SH3TC2: variants seen among roughly 807,000 people sequenced by gnomAD.
SH3TC2 encodes SH3 domain and tetratricopeptide repeat-containing protein 2.
SH3TC2 carries 87 observed loss-of-function variants against 124.5 expected under a neutral mutation model. The ratio of observed to expected loss-of-function variants is 0.70; its 90% CI spans 0.59 to 0.84. SH3TC2 has a LOEUF of 0.84. Ranked by LOEUF, SH3TC2 falls within the 40% of genes least tolerant of loss-of-function variation. The probability of loss-of-function intolerance (pLI) is 0.00; values close to 1 mark genes in which losing one functional copy is unlikely to be tolerated. For synonymous variants in SH3TC2, 634 were observed against 628.5 expected (o/e 1.01, Z -0.13); for missense variants, 1,536 against 1,566.4 (o/e 0.98, Z 0.33).
intron 4 of SH3TC2, 143 bp from the exon 5 acceptor site, chr5:149,042,980 T>A (rs1329895397): frequency 2.1e-6 from 2 of 932,176 alleles, no homozygotes; most frequent in Non-Finnish European, 3.4e-6. Context: ...TAAAACAACA[T>A]AAGAGGCAAA....
chr5:149,026,734 T>C lies in SH3TC2; in HGVS notation c.2891A>G (p.Lys964Arg). The C allele has an allele frequency of 6.2e-7, 1 of 1,614,190 alleles. No homozygotes were observed. Among genetic ancestry groups the C allele is most frequent in the South Asian group, 1.1e-5 (1 of 91,084 alleles). The change falls in exon 12 of 17, where the codon AAA (lysine) becomes AGA (arginine). Residue 964 changes from lysine to arginine, a missense_variant. Transcript: ENST00000515425. ...RHLKSQLQAT[K>R]SLCHFYSSVS... is the part of the protein sequence containing the mutation. ...AGAGCTGTAGAAATGGCAGAGGGAT[T>C]TGGTGGCCTGAAGCTGACCTGAACA... is the stretch of plus-strand genomic sequence containing the variant.
rs1549907 is a variant in SH3TC2 at position 149,013,002 on chromosome 5, T to C, written c.3054-268A>G. Among the ~76,000 whole-genome samples the C allele has an allele frequency of 0.17, 25,703 of 152,112 alleles. 2,514 individuals are homozygous for C. Among genetic ancestry groups the C allele is most frequent in the East Asian group, 0.24 (1,260 of 5,168 alleles). ...GATTGTTGTGAGGATGAAATTGAGA[T>C]ACAACTAAGTGCTTAGAACAGTGCC... On this transcript the variant is annotated intron_variant, in intron 12 of 16. Coordinates refer to ENST00000515425, the MANE Select transcript of SH3TC2 (RefSeq NM_024577.4).
chr5:149,041,700 T>G, intron 5 of SH3TC2, 83 bp from the exon 6 acceptor site: 22 of 1,462,718 alleles, frequency 1.5e-5, no homozygotes, highest in Non-Finnish European at 2.1e-5. Context: ...ATGCTTCTAT[T>G]CAGAGCTGGA....
Position 149,032,864 on chromosome 5 carries a change from C to T in SH3TC2, c.1002-1177G>A, listed in dbSNP as rs182316266. On this transcript the variant is annotated intron_variant, in intron 8 of 16. Transcript: ENST00000515425. ...ATTAATAGTACCACACTGACTGGGC[C>T]CCCATCTCCCTGGGCTGATCGCCAG... Among the ~76,000 whole-genome samples the T allele has an allele frequency of 2.6e-3, 398 of 152,184 alleles. 4 individuals are homozygous for T. The highest frequency in any genetic ancestry group is 0.015 in the East Asian group (76 of 5,178).
In SH3TC2 at chr5:148,988,959, T is replaced by A. The variant is rs1440180909; in HGVS notation, c.*15752A>T. Among the ~76,000 whole-genome samples, 1 of 152,196 alleles carries A rather than the reference T, an allele frequency of 6.6e-6. No homozygotes were observed. The highest frequency in any genetic ancestry group is 1.5e-5 in the Non-Finnish European group (1 of 68,034). ...TCTCTCTCACTCAAAATGTTTCCCT[T>A]ATCTGGTCTAGTTGTGCCCTACTGA... is the stretch of plus-strand genomic sequence containing the variant. On this transcript the variant is annotated 3_prime_UTR_variant, in exon 17 of 17. Transcript: ENST00000515425.
rs866268621 is a variant in SH3TC2, at chr5:149,026,998, T to C, written c.2734A>G (p.Ser912Gly). Reference protein sequence around the residue: ...AVRLYCELQASKETDMELVQV... With the variant: ...AVRLYCELQAGKETDMELVQV... ...ACTAATTCCATGTCTGTCTCCTTAC[T>C]GGCCTGAAGTTCACAATAGAGTCGT... is the stretch of plus-strand genomic sequence containing the variant. The change falls in exon 11 of 17, where the codon AGT becomes GGT. Residue 912 changes from serine (S) to glycine (G), a missense_variant. By Grantham distance (56) the Ser-to-Gly change is moderately conservative. Transcript: ENST00000515425. The C allele has an allele frequency of 2.5e-6, 4 of 1,614,056 alleles. No homozygotes were observed. The African/African-American group carries it at 5.3e-5, about 22-fold the overall frequency.
Position 149,006,919 on chromosome 5 carries a change from A to G in SH3TC2, c.3637T>C (p.Tyr1213His), listed in dbSNP as rs1753699443. Residue 1213 changes from tyrosine to histidine, a missense_variant, in exon 16 of 17, where the codon TAT becomes CAT. Transcript: ENST00000515425. ...PKEALYYAKV[Y>H]YRLGRLTFCQ... ...AAGGTGAGTCTGCCCAGGCGATAAT[A>G]CACCTTGGCATAGTACAGGGCCTCC... is the stretch of plus-strand genomic sequence containing the variant. The G allele has an allele frequency of 5.6e-6, 9 of 1,614,066 alleles. No individual in the cohort carries two copies. The highest frequency in any genetic ancestry group is 6.8e-6 in the Non-Finnish European group (8 of 1,180,008).
At chr5:149,014,907 T>A (rs1196555480) in intron 12 of SH3TC2, among the ~76,000 whole-genome samples, 6 of 152,188 alleles carry the variant, frequency 3.9e-5, no homozygotes, top group Non-Finnish European at 7.3e-5. Flanking sequence ...GACCCATAAA[T>A]CTCATCCTCA....
Position 149,028,189 on chromosome 5 carries a change from T to C in SH3TC2, c.1543A>G (p.Arg515Gly). 6.2e-7 allele frequency: 1 copy of C among 1,614,096 alleles called. No homozygotes were observed. Among genetic ancestry groups the C allele is most frequent in the South Asian group, 1.1e-5 (1 of 91,084 alleles). ...ATGTGGCTCTTCTTGGCCCACTTTCTTGATGCCTCCAGGTAGGCCACAAAC... is the reference window on the plus strand; with the variant it reads ...ATGTGGCTCTTCTTGGCCCACTTTCCTGATGCCTCCAGGTAGGCCACAAAC... ...DEFVAYLEAS[R>G]KWAKKSHMTW... Residue 515 changes from arginine to glycine, a missense_variant, in exon 11 of 17, where the codon AGA becomes GGA. This residue lies in a region of SH3TC2 where 1,102 missense variants were observed against 1,098.6 expected (regional missense o/e 1.00). Coordinates refer to ENST00000515425, the MANE Select transcript of SH3TC2 (RefSeq NM_024577.4).
rs72835354 is a variant in SH3TC2, at chr5:148,998,834, G to A, written c.*5877C>T. 3.3e-5 allele frequency among the ~76,000 whole-genome samples: 5 copies of A among 152,262 alleles called. No individual in the cohort carries two copies. Among genetic ancestry groups the A allele is most frequent in the Non-Finnish European group, 5.9e-5 (4 of 68,026 alleles). ...TCCATCCTCAAGTCCCCTGAGTTCT[G>A]GAATAATCAGACAGAGTTGGGAGAG... is the stretch of plus-strand genomic sequence containing the variant. On this transcript the variant is annotated 3_prime_UTR_variant, in exon 17 of 17. Coordinates refer to ENST00000515425, the MANE Select transcript of SH3TC2 (RefSeq NM_024577.4).
chr5:149,047,918 G>T lies in SH3TC2; in HGVS notation c.223C>A (p.Arg75=). Residue 75 remains arginine, a synonymous_variant, in exon 3 of 17, where the codon CGG becomes AGG. Coordinates refer to ENST00000515425, the MANE Select transcript of SH3TC2 (RefSeq NM_024577.4). The part of the protein sequence containing the change: ...CVNGPLQEAA[R]RRLWALENED... ...TTCTCCAGTGCCCAGAGCCGCCTCC[G>T]AGCAGCTTCCTGTAGGGGTCCATTT... 6.2e-7 allele frequency: 1 copy of T among 1,614,096 alleles called. No individual in the cohort carries two copies. The highest frequency in any genetic ancestry group is 1.1e-5 in the South Asian group (1 of 91,056).
Position 148,983,008 on chromosome 5 carries a change from C to T in SH3TC2, c.*21703G>A, listed in dbSNP as rs761390238. Among the ~76,000 whole-genome samples the T allele has an allele frequency of 3.0e-4, 46 of 152,194 alleles. No individual in the cohort carries two copies. Among genetic ancestry groups the T allele is most frequent in the Non-Finnish European group, 5.1e-4 (35 of 68,028 alleles). ...ATTGACATTGGCATTGACATTGATG[C>T]TGATGTCAAGGTGTTCCCTTTCCTG... On this transcript the variant is annotated 3_prime_UTR_variant, in exon 17 of 17. Transcript: ENST00000515425.
chr5:148,991,451 C>T lies in SH3TC2; in HGVS notation c.*13260G>A, dbSNP rs1753418384. ...GCTAACTTTAGCCATATGGGCTCAT[C>T]CTGTATTTCCCAGGACCCAGGAGTC... On this transcript the variant is annotated 3_prime_UTR_variant, in exon 17 of 17. Transcript: ENST00000515425. Among the ~76,000 whole-genome samples the T allele has an allele frequency of 2.0e-5, 3 of 152,180 alleles. No homozygotes were observed. In the South Asian group the frequency reaches 6.2e-4, roughly 31 times the overall value.
At chr5:149,006,245 C>T in intron 16 of SH3TC2, 1 of 167,890 alleles carries the variant, frequency 6.0e-6, no homozygotes, top group Admixed American at 5.6e-5. Context: ...GGCTACACAG[C>T]AAGACCCTGT....
chr5:149,039,761 A>C (rs564637732), intron 7 of SH3TC2, among the ~76,000 whole-genome samples: 4 of 152,358 alleles, frequency 2.6e-5, no homozygotes, highest in Middle Eastern at 3.4e-3. Flanking sequence ...AGGAGCCAGA[A>C]TTTGAACCAG....
chr5:149,017,463 CCAGAGTAAA>C (rs1321055694), intron 12 of SH3TC2, among the ~76,000 whole-genome samples: 8 of 152,104 alleles, frequency 5.3e-5, no homozygotes, highest in Non-Finnish European at 1.2e-4. Context: ...GAAAAGTGTC[CCAGAGTAAA>C]AACCTGAAGG....
Position 148,988,481 on chromosome 5 carries a change from A to G in SH3TC2, c.*16230T>C. 6.6e-6 allele frequency among the ~76,000 whole-genome samples: 1 copy of G among 152,140 alleles called. No homozygotes were observed. Among genetic ancestry groups the G allele is most frequent in the Non-Finnish European group, 1.5e-5 (1 of 68,024 alleles). On this transcript the variant is annotated 3_prime_UTR_variant, in exon 17 of 17. Transcript: ENST00000515425. Reference sequence around the variant, plus strand: ...AGGAAGCTTTGCAGCTCCCCGTTTAATCTCCTGGAATGCTAGCTCTTGGAA... The same window carrying G: ...AGGAAGCTTTGCAGCTCCCCGTTTAGTCTCCTGGAATGCTAGCTCTTGGAA...
At position 149,012,511 on chromosome 5, in the gene SH3TC2, G is replaced by C. The variant is rs1004222876; in HGVS notation, c.3204+73C>G. ...CATCCCTCTCTGGTTCCCCCTGGTT[G>C]ATTTGGAGGGTACAGCTGCCTCCCC... is the stretch of plus-strand genomic sequence containing the variant. On this transcript the variant is annotated intron_variant, in intron 13 of 16. Coordinates refer to ENST00000515425, the MANE Select transcript of SH3TC2 (RefSeq NM_024577.4). The C allele has an allele frequency of 3.8e-6, 6 of 1,578,732 alleles. No individual in the cohort carries two copies. The African/African-American group carries it at 8.1e-5, about 21-fold the overall frequency.
At chr5:149,037,767 G>A (rs1216188819) in intron 8 of SH3TC2, among the ~76,000 whole-genome samples, 1 of 152,166 alleles carries the variant, frequency 6.6e-6, no homozygotes, top group Non-Finnish European at 1.5e-5. Context: ...AGATGGGTCT[G>A]CTCCTCAGAA....
Sources: allele counts gnomAD v4.1 joint callset (sites outside exome capture counted in the v4.1 genomes callset), GRCh38; gene constraint gnomAD v4.1.1; regional missense constraint gnomAD v4.1.1; transcripts MANE v1.5; gene names NCBI Gene and HGNC (gene_info 2026-07-23, HGNC 2026-07-21).